Variants in MCC observed in about 807,000 individuals in gnomAD.
MCC encodes MCC regulator of Wnt signaling pathway, also known as colorectal mutant cancer protein.
A neutral mutation model predicts 116.2 loss-of-function variants in MCC; 90 were observed. That is an observed-to-expected ratio of 0.77 (90% confidence interval 0.65 to 0.92). MCC has a LOEUF of 0.92. Ranked by LOEUF, MCC falls within the 40% of genes least tolerant of loss-of-function variation. MCC has a pLI of 0.00. For synonymous variants in MCC, 578 were observed against 510.5 expected (o/e 1.13, Z -1.78); for missense variants, 1,516 against 1,312.2 (o/e 1.16, Z -2.40).
At position 113,390,534 on chromosome 5, in the gene MCC, T is replaced by C. The variant is rs78796234; in HGVS notation, c.171-5322A>G. The stretch of plus-strand genomic sequence containing the variant: ...CAATGAACAGCTATTATTTTCTATA[T>C]ATAAAAGTCTTCTTTTTCTCTTGGC... On this transcript the variant is annotated intron_variant, in intron 1 of 18. Coordinates refer to ENST00000408903, the MANE Select transcript of MCC (RefSeq NM_001085377.2). 3.4e-3 allele frequency among the ~76,000 whole-genome samples: 516 copies of C among 152,340 alleles called. 5 individuals are homozygous for C. In the East Asian group the frequency reaches 0.059, roughly 17 times the overall value.
rs769372516 is a variant in MCC at position 113,082,934 on chromosome 5, T to C, written c.1710A>G (p.Thr570=). 8 of 1,613,874 alleles carry C rather than the reference T, an allele frequency of 5.0e-6. No individual in the cohort carries two copies. The highest frequency in any genetic ancestry group is 1.1e-5 in the South Asian group (1 of 91,062). Residue 570 remains threonine (T), a synonymous_variant, in exon 11 of 19, where the codon ACA becomes ACG. Transcript: ENST00000408903. ...AGATGGCAGATCCGTGTGAGTAGAG[T>C]GTTTGGAAAATCTCTTGGATATTGG... The part of the protein sequence containing the change: ...DCSNIQEIFQ[T]LYSHGSAISE...
intron 1 of MCC, among the ~76,000 whole-genome samples, chr5:113,401,794 T>C (rs756474905): frequency 5.3e-5 from 8 of 151,478 alleles, no homozygotes; most frequent in Non-Finnish European, 1.2e-4. Context: ...TATATTCTCC[T>C]CTAGAAGTTA....
chr5:113,255,895 T>C (rs1459525281), intron 3 of MCC, among the ~76,000 whole-genome samples: 1 of 152,216 alleles, frequency 6.6e-6, no homozygotes, highest in Non-Finnish European at 1.5e-5. Context: ...GGGAGTAATT[T>C]AGATCCATCT....
intron 3 of MCC, among the ~76,000 whole-genome samples, chr5:113,256,545 T>C (rs1323911538): frequency 2.0e-5 from 3 of 152,176 alleles, no homozygotes; most frequent in South Asian, 4.1e-4. Flanking sequence ...AGAAGCAAGA[T>C]AAAACATGGC....
intron 2 of MCC, among the ~76,000 whole-genome samples, chr5:113,371,824 G>A (rs757891844): frequency 2.0e-5 from 3 of 152,174 alleles, no homozygotes; most frequent in Non-Finnish European, 4.4e-5. Context: ...AAGCCTTCCT[G>A]AGCTTTCTGT....
chr5:113,068,231 A>C, intron 12 of MCC, 48 bp from the exon 13 acceptor site: 3 of 1,443,190 alleles, frequency 2.1e-6, no homozygotes, highest in Non-Finnish European at 2.9e-6. Flanking sequence ...AACAGCGGAC[A>C]CCTTCAATGT....
rs538331249 is a variant in MCC at position 113,479,509 on chromosome 5, A to G, written c.170+8736T>C. ...TATCGGTTAGCTCTTCTCAAAAGTA[A>G]TATGGCTTCACTTGTATGTGAATGT... On this transcript the variant is annotated intron_variant, in intron 1 of 18. Coordinates refer to ENST00000408903, the MANE Select transcript of MCC (RefSeq NM_001085377.2). Among the ~76,000 whole-genome samples the G allele has an allele frequency of 8.5e-5, 13 of 152,288 alleles. No homozygotes were observed. The South Asian group carries it at 2.1e-3, about 24-fold the overall frequency.
At chr5:113,198,073 T>G (rs1299164126) in intron 3 of MCC, among the ~76,000 whole-genome samples, 5 of 152,234 alleles carry the variant, frequency 3.3e-5, no homozygotes, top group Non-Finnish European at 7.3e-5. Context: ...ACAGGAAAGC[T>G]GGTGCACTGC....
chr5:113,232,284 T>C (rs886091611), intron 3 of MCC, among the ~76,000 whole-genome samples: 2 of 152,204 alleles, frequency 1.3e-5, no homozygotes, highest in African/African-American at 4.8e-5. Flanking sequence ...TAATGTAGTA[T>C]GGTTGTATTC....
intron 6 of MCC, among the ~76,000 whole-genome samples, chr5:113,115,490 C>G (rs1757343005): frequency 6.6e-6 from 1 of 152,112 alleles, no homozygotes; most frequent in South Asian, 2.1e-4. Context: ...TGTGAAACAA[C>G]AAACTTGGTC....
intron 11 of MCC, among the ~76,000 whole-genome samples, chr5:113,077,390 G>C (rs1754531487): frequency 6.6e-6 from 1 of 152,122 alleles, no homozygotes; most frequent in African/African-American, 2.4e-5. Flanking sequence ...TTCCAAAATT[G>C]ACCGTGTAGT....
At chr5:113,252,361 C>T (rs557606074) in intron 3 of MCC, among the ~76,000 whole-genome samples, 1 of 152,294 alleles carries the variant, frequency 6.6e-6, no homozygotes, top group East Asian at 1.9e-4. Flanking sequence ...TGAGCTCTGC[C>T]TTCCATCAGA....
chr5:113,384,536 C>T (rs1009414589), intron 2 of MCC, among the ~76,000 whole-genome samples: 1 of 152,194 alleles, frequency 6.6e-6, no homozygotes, highest in Non-Finnish European at 1.5e-5. Context: ...TGCAGTGAGC[C>T]GAGATCCCGC....
chr5:113,175,046 G>T (rs1468174980), intron 3 of MCC, among the ~76,000 whole-genome samples: 1 of 152,138 alleles, frequency 6.6e-6, no homozygotes, highest in African/African-American at 2.4e-5. Flanking sequence ...TGGTTAAGGA[G>T]GAAGACAGAA....
At chr5:113,391,064 A>T (rs2150395397) in intron 1 of MCC, among the ~76,000 whole-genome samples, 1 of 152,350 alleles carries the variant, frequency 6.6e-6, no homozygotes, top group African/African-American at 2.4e-5. Flanking sequence ...GAATAAATGC[A>T]TTTGCCTTTC....
At chr5:113,172,798 C>T (rs888135671) in intron 3 of MCC, among the ~76,000 whole-genome samples, 1 of 152,168 alleles carries the variant, frequency 6.6e-6, no homozygotes, top group Non-Finnish European at 1.5e-5. Flanking sequence ...TTGCCTTCTA[C>T]CGAAAGCTAT....
intron 3 of MCC, among the ~76,000 whole-genome samples, chr5:113,255,567 G>C (rs1764974919): frequency 2.6e-5 from 4 of 152,194 alleles, no homozygotes; most frequent in African/African-American, 9.7e-5. Flanking sequence ...TCTGTCATCT[G>C]CAAGTGAGAA....
intron 14 of MCC, among the ~76,000 whole-genome samples, chr5:113,061,374 C>T (rs1268561454): frequency 6.6e-6 from 1 of 152,212 alleles, no homozygotes; most frequent in Non-Finnish European, 1.5e-5. Flanking sequence ...ACTGTGAGGC[C>T]TGCCACAGAG....
intron 2 of MCC, among the ~76,000 whole-genome samples, chr5:113,373,978 C>T (rs1377099240): frequency 6.6e-6 from 1 of 151,906 alleles, no homozygotes; most frequent in Admixed American, 6.6e-5. Context: ...CTCAGCTCAA[C>T]CTCCACCTCC....
Sources: allele counts gnomAD v4.1 joint callset (sites outside exome capture counted in the v4.1 genomes callset), GRCh38; gene constraint gnomAD v4.1.1; transcripts MANE v1.5; gene names NCBI Gene and HGNC (gene_info 2026-07-23, HGNC 2026-07-21).